The following PKP2 variants were observed in gnomAD, a reference collection of about 807,000 sequenced individuals.
PKP2 encodes the protein plakophilin 2.
In PKP2, 73 loss-of-function variants were observed where a neutral mutation model predicts 83.4. That is an observed-to-expected ratio of 0.88 (90% CI 0.72 to 1.06). PKP2 has a LOEUF of 1.06. Ranked by LOEUF, PKP2 falls within the 50% of genes least tolerant of loss-of-function variation. The probability of loss-of-function intolerance (pLI) is 0.00; values close to 1 mark genes in which losing one functional copy is unlikely to be tolerated. For synonymous variants in PKP2, 409 were observed against 430.4 expected, an observed-to-expected ratio of 0.95 and a Z score of 0.62; for missense variants, 966 against 1,065.4, an observed-to-expected ratio of 0.91 and a Z score of 1.30.
chr12:32,825,243 A>G (rs1326799022), intron 6 of PKP2, among the ~76,000 whole-genome samples: 1 of 134,280 alleles, frequency 7.4e-6, no homozygotes, highest in Non-Finnish European at 1.5e-5. Flanking sequence ...ATCTCGGCTC[A>G]CTGTAACCTC....
intron 4 of PKP2, among the ~76,000 whole-genome samples, chr12:32,854,364 T>C (rs1383797639): frequency 6.6e-6 from 1 of 152,212 alleles, no homozygotes; most frequent in Non-Finnish European, 1.5e-5. Flanking sequence ...ACTGTATAAC[T>C]TGACTCCCTA....
intron 1 of PKP2, among the ~76,000 whole-genome samples, chr12:32,890,602 C>T (rs1196344762): frequency 6.6e-6 from 1 of 152,064 alleles, no homozygotes; most frequent in African/African-American, 2.4e-5. Flanking sequence ...TGTCTTTAAA[C>T]ACTTTAAGAA....
intron 5 of PKP2, among the ~76,000 whole-genome samples, chr12:32,847,113 G>A (rs187936843): frequency 2.4e-4 from 36 of 152,150 alleles, no homozygotes; most frequent in Middle Eastern, 3.4e-3. Context: ...AAAAAAAAAG[G>A]TCAAAGAAAT....
rs1396829401 is a variant in PKP2, at chr12:32,876,398, A to G, written c.1034+1448T>C. ...GAGGATGTCAGATAATAATTTTGTT[A>G]CTGTTAAAATCATTTTGCTAAAACT... On this transcript the variant is annotated intron_variant, in intron 3 of 12. Transcript: ENST00000340811. Among the ~76,000 whole-genome samples, 6 of 152,198 alleles carry G rather than the reference A, an allele frequency of 3.9e-5. No individual in the cohort carries two copies. In the East Asian group the frequency reaches 9.6e-4, roughly 24 times the overall value.
chr12:32,798,873 A>G (rs773366919), intron 10 of PKP2, among the ~76,000 whole-genome samples: 2 of 152,248 alleles, frequency 1.3e-5, no homozygotes, highest in Non-Finnish European at 2.9e-5. Context: ...GTTCATGACC[A>G]AGAACCCAAA....
Position 32,896,455 on chromosome 12 carries a change from G to A in PKP2, c.223+54C>T, listed in dbSNP as rs1454161993. 3.0e-6 allele frequency: 4 copies of A among 1,324,022 alleles called. No homozygotes were observed. The South Asian group carries it at 6.1e-5, about 20-fold the overall frequency. 82.0% of individuals were successfully genotyped at this position (1,324,022 alleles called of 1,614,324 possible). A position where few individuals can be genotyped will look rare whatever the true frequency, so the allele number is the denominator to read the frequency against. ...GCGGGGTGAGGGCGGGATAGGAGGA[G>A]GTGACCGGGTGTGGGGCAGGGGGCG... On this transcript the variant is annotated intron_variant, in intron 1 of 12. Transcript: ENST00000340811.
chr12:32,894,593 T>C (rs1467475318), intron 1 of PKP2: 1 of 152,210 alleles, frequency 6.6e-6, no homozygotes, highest in East Asian at 1.9e-4. Context: ...AATAGGCACA[T>C]AGTAGATGCT....
intron 1 of PKP2, among the ~76,000 whole-genome samples, chr12:32,881,655 T>C (rs1956987240): frequency 6.6e-6 from 1 of 152,148 alleles, no homozygotes; most frequent in Admixed American, 6.5e-5. Context: ...ATATTATTAT[T>C]GTTATTATTA....
intron 9 of PKP2, among the ~76,000 whole-genome samples, chr12:32,807,899 T>A (rs1956241466): frequency 1.3e-5 from 2 of 152,234 alleles, no homozygotes; most frequent in African/African-American, 4.8e-5. Flanking sequence ...AGAAGTCTGC[T>A]GTTAGTCTCA....
At chr12:32,829,261 T>C (rs1956475320) in intron 6 of PKP2, among the ~76,000 whole-genome samples, 1 of 110,152 alleles carries the variant, frequency 9.1e-6, no homozygotes, top group South Asian at 3.2e-4. Context: ...TTTTTTCTTA[T>C]TTTTTTTTTT....
intron 4 of PKP2, among the ~76,000 whole-genome samples, chr12:32,852,562 A>C (rs1484360591): frequency 6.6e-6 from 1 of 152,252 alleles, no homozygotes; most frequent in African/African-American, 2.4e-5. Flanking sequence ...AAGAAGCGTC[A>C]GTATAATGTT....
At chr12:32,877,792 T>C in intron 3 of PKP2, 54 bp downstream of exon 3, 2 of 1,293,748 alleles carry the variant, frequency 1.5e-6, no homozygotes, top group Non-Finnish European at 1.1e-6. Flanking sequence ...GTCAGGGCTG[T>C]GGGAACAGAA....
rs1956955311 is a variant in PKP2 at position 32,878,440 on chromosome 12, C to G, written c.440G>C (p.Arg147Thr). 1.9e-6 allele frequency: 3 copies of G among 1,614,120 alleles called. No individual in the cohort carries two copies. The highest frequency in any genetic ancestry group is 2.5e-6 in the Non-Finnish European group (3 of 1,179,988). Residue 147 changes from arginine (R) to threonine (T), a missense_variant, in exon 3 of 13, where the codon AGA becomes ACA. Coordinates refer to ENST00000340811, the MANE Select transcript of PKP2 (RefSeq NM_001005242.3). ...GCTGCTGTCAGGAGAAATCTCCAGT[C>G]TCCTCAGAGGATGCCTCAAGGACCT... ...EERSLRHPLR[R>T]LEISPDSSPE...
At chr12:32,829,554 T>C (rs1956479043) in intron 6 of PKP2, among the ~76,000 whole-genome samples, 1 of 152,104 alleles carries the variant, frequency 6.6e-6, no homozygotes, top group Admixed American at 6.5e-5. Flanking sequence ...TTTTGTTTTT[T>C]AAATGGGACT....
chr12:32,869,281 G>A (rs975431647), intron 3 of PKP2, among the ~76,000 whole-genome samples: 3 of 151,894 alleles, frequency 2.0e-5, no homozygotes, highest in Admixed American at 6.5e-5. Flanking sequence ...GACATTGGAC[G>A]ATGTCATTCG....
chr12:32,828,438 T>G (rs561982303), intron 6 of PKP2, among the ~76,000 whole-genome samples: 1 of 152,144 alleles, frequency 6.6e-6, no homozygotes, highest in South Asian at 2.1e-4. Flanking sequence ...GAATGGACAG[T>G]GACAAATGGA....
At chr12:32,879,161 A>G (rs2137954041) in intron 1 of PKP2, 129 bp from the exon 2 acceptor site, 1 of 687,578 alleles carries the variant, frequency 1.5e-6, no homozygotes, top group East Asian at 2.7e-5. Flanking sequence ...TATTAAACGT[A>G]CGTTAATGTT....
chr12:32,849,021 A>C (rs1020108678), intron 5 of PKP2, among the ~76,000 whole-genome samples: 6 of 151,790 alleles, frequency 4.0e-5, no homozygotes, highest in Non-Finnish European at 5.9e-5. Context: ...AAAAAAAAAA[A>C]AAACCTCTTC....
At chr12:32,895,294 C>G (rs1957112709) in intron 1 of PKP2, among the ~76,000 whole-genome samples, 3 of 152,184 alleles carry the variant, frequency 2.0e-5, no homozygotes, top group Admixed American at 2.0e-4. Context: ...AACATCTTCT[C>G]TTTACCTTTC....
Sources: gnomAD v4.1 joint callset for allele counts (sites outside exome capture counted in the v4.1 genomes callset) on GRCh38, gnomAD v4.1.1 for gene constraint, MANE v1.5 for transcripts, NCBI Gene and HGNC (gene_info 2026-07-23, HGNC 2026-07-21) for gene names.